DGLUCY: variants seen among roughly 807,000 people sequenced by gnomAD.
DGLUCY encodes the protein D-glutamate cyclase, also known as D-glutamate cyclase, mitochondrial.
In DGLUCY, 58 loss-of-function variants were observed where a neutral mutation model predicts 58.5. That is an observed-to-expected ratio of 0.99 (90% CI 0.80 to 1.23). The LOEUF (loss-of-function observed/expected upper bound fraction) is 1.23, where lower values mean the gene tolerates loss of function less well. DGLUCY is among the 50% of genes most tolerant of loss of function. The pLI is 0.00. For missense variants in DGLUCY, 779 were observed against 784.7 expected, an observed-to-expected ratio of 0.99 and a Z score of 0.09; for synonymous variants, 325 against 314.1, an observed-to-expected ratio of 1.03 and a Z score of -0.37.
Position 91,062,592 on chromosome 14 carries a change from TATATATATATATATATATAA to T in DGLUCY, c.-82+1890_-82+1909del, listed in dbSNP as rs1487086564. Among the ~76,000 whole-genome samples, 124 of 26,698 alleles carry T rather than the reference TATATATATATATATATATAA, an allele frequency of 4.6e-3. 4 individuals carry two copies. Among genetic ancestry groups the T allele is most frequent in the Middle Eastern group, 0.014 (1 of 72 alleles). The allele number at this position is 26,698 out of a possible 152,430, so 17.5% of individuals were successfully genotyped here. A position where few individuals can be genotyped will look rare whatever the true frequency, so the allele number is the denominator to read the frequency against. ...ATATATATATATATATATATATATA[TATATATATATATATATATAA>T]ACAATCCTTAGCTCAAGGGCAGTTA... On this transcript the variant is annotated intron_variant, in intron 1 of 4. Transcript: ENST00000521334.
chr14:91,180,290 G>A (rs1378090682), intron 7 of DGLUCY, among the ~76,000 whole-genome samples: 1 of 151,816 alleles, frequency 6.6e-6, no homozygotes, highest in Non-Finnish European at 1.5e-5. Flanking sequence ...AATAAAGTCG[G>A]GCTGGGCGTG....
At chr14:91,198,526 T>C (rs1304044847) in intron 10 of DGLUCY, among the ~76,000 whole-genome samples, 1 of 151,806 alleles carries the variant, frequency 6.6e-6, no homozygotes, top group Non-Finnish European at 1.5e-5. Flanking sequence ...TCTGTATTTT[T>C]AGTGGAGACA....
intron 1 of DGLUCY, among the ~76,000 whole-genome samples, chr14:91,129,796 G>A (rs1007053976): frequency 1.2e-4 from 18 of 152,022 alleles, no homozygotes; most frequent in African/African-American, 4.3e-4. Flanking sequence ...ACAGACATGT[G>A]CCACCACGCC....
intron 13 of DGLUCY, among the ~76,000 whole-genome samples, chr14:91,222,858 C>T (rs1887717520): frequency 6.6e-6 from 1 of 152,208 alleles, no homozygotes. Flanking sequence ...GGAAGTCCAA[C>T]ATCAAGGTGC....
intron 1 of DGLUCY, among the ~76,000 whole-genome samples, chr14:91,095,521 G>A (rs2044379949): frequency 6.6e-6 from 1 of 152,170 alleles, no homozygotes; most frequent in East Asian, 1.9e-4. Context: ...TTTCCTGGTA[G>A]AGTCAAGCCT....
chr14:91,196,245 C>A, intron 9 of DGLUCY, 130 bp from the exon 10 acceptor site: 1 of 692,380 alleles, frequency 1.4e-6, no homozygotes, highest in Non-Finnish European at 2.5e-6. Context: ...GCTTACCTAA[C>A]ATGTTCTACA....
chr14:91,073,212 G>A (rs1371892645), intron 1 of DGLUCY, among the ~76,000 whole-genome samples: 2 of 152,102 alleles, frequency 1.3e-5, no homozygotes, highest in Admixed American at 6.5e-5. Flanking sequence ...AGGCTGAGGC[G>A]GATGGATTGC....
intron 10 of DGLUCY, 148 bp from the exon 11 acceptor site, chr14:91,199,609 C>T: frequency 1.1e-6 from 1 of 882,114 alleles, no homozygotes; most frequent in East Asian, 2.5e-5. Flanking sequence ...GGTCCTGGCC[C>T]AGAGTAGATG....
chr14:91,145,847 A>ACACTCAT (rs2046987690), intron 1 of DGLUCY, among the ~76,000 whole-genome samples: 1 of 152,034 alleles, frequency 6.6e-6, no homozygotes, highest in Non-Finnish European at 1.5e-5. Context: ...TAAGGTCTAT[A>ACACTCAT]CACTCATCCC....
intron 1 of DGLUCY, among the ~76,000 whole-genome samples, chr14:91,122,054 C>T (rs769657550): frequency 2.6e-5 from 4 of 151,866 alleles, no homozygotes; most frequent in Non-Finnish European, 5.9e-5. Context: ...GTATTCACAC[C>T]TTGTTGTCTA....
At chr14:91,065,349 G>A (rs1166232999) in intron 1 of DGLUCY, among the ~76,000 whole-genome samples, 1 of 152,170 alleles carries the variant, frequency 6.6e-6, no homozygotes, top group Non-Finnish European at 1.5e-5. Context: ...CCTGGTTAAA[G>A]TGAATGACCC....
intron 1 of DGLUCY, among the ~76,000 whole-genome samples, chr14:91,133,849 T>C (rs980139244): frequency 6.6e-6 from 1 of 152,236 alleles, no homozygotes; most frequent in African/African-American, 2.4e-5. Flanking sequence ...TCCTAATGTA[T>C]GTCAAGTGGT....
chr14:91,143,473 A>G (rs2046847773), intron 1 of DGLUCY, among the ~76,000 whole-genome samples: 1 of 152,192 alleles, frequency 6.6e-6, no homozygotes, highest in Non-Finnish European at 1.5e-5. Context: ...AAGAGGACAA[A>G]GCCTTAGGTG....
At chr14:91,067,886 A>G (rs1182010877) in intron 1 of DGLUCY, among the ~76,000 whole-genome samples, 1 of 152,150 alleles carries the variant, frequency 6.6e-6, no homozygotes, top group Non-Finnish European at 1.5e-5. Flanking sequence ...TGACCCTGTC[A>G]GTACCTTTGC....
At chr14:91,197,661 A>G (rs2050301261) in intron 10 of DGLUCY, among the ~76,000 whole-genome samples, 1 of 152,192 alleles carries the variant, frequency 6.6e-6, no homozygotes, top group African/African-American at 2.4e-5. Flanking sequence ...TCCTTTTGTG[A>G]CTGCTTATTT....
rs113409471 is a variant in DGLUCY, at chr14:91,181,393, A to G, written c.934+4A>G. The G allele has an allele frequency of 0.016, 26,297 of 1,611,814 alleles. 277 individuals carry two copies. The highest frequency in any genetic ancestry group is 0.026 in the South Asian group (2,341 of 91,058). ...TCTATGATCGGCATAGACCCAGGTAAGAAACAACACATTTGCTCGGCATAG... is the reference window on the plus strand; with the variant it reads ...TCTATGATCGGCATAGACCCAGGTAGGAAACAACACATTTGCTCGGCATAG... On this transcript the variant is annotated splice_donor_region_variant and intron_variant, in intron 8 of 13. Coordinates refer to ENST00000256324, the MANE Select transcript of DGLUCY (RefSeq NM_001102368.3).
chr14:91,198,836 G>T (rs2050378211), intron 10 of DGLUCY, among the ~76,000 whole-genome samples: 1 of 152,122 alleles, frequency 6.6e-6, no homozygotes, highest in Non-Finnish European at 1.5e-5. Flanking sequence ...TCACCCTACA[G>T]ATGCAGAAAA....
intron 12 of DGLUCY, among the ~76,000 whole-genome samples, chr14:91,214,854 T>A (rs1567014150): frequency 6.6e-6 from 1 of 151,686 alleles, no homozygotes; most frequent in East Asian, 1.9e-4. Flanking sequence ...CTAAAAAAAA[T>A]TAAAAATAAA....
intron 1 of DGLUCY, among the ~76,000 whole-genome samples, chr14:91,123,368 G>A (rs533411200): frequency 3.1e-4 from 47 of 152,182 alleles, no homozygotes; most frequent in African/African-American, 9.9e-4. Context: ...AGCAATAAAC[G>A]CTGCCCTGGC....
Sources: gnomAD v4.1 joint callset for allele counts (sites outside exome capture counted in the v4.1 genomes callset) on GRCh38, gnomAD v4.1.1 for gene constraint, MANE v1.5 for transcripts, NCBI Gene and HGNC (gene_info 2026-07-23, HGNC 2026-07-21) for gene names.